Variants in GRM7 observed in about 807,000 individuals in gnomAD.
The protein encoded by GRM7 is metabotropic glutamate receptor 7.
In GRM7, 35 loss-of-function variants were observed where a neutral mutation model predicts 84.5. The observed-to-expected ratio is 0.41, with a 90% confidence interval of 0.32 to 0.55. The LOEUF (loss-of-function observed/expected upper bound fraction) is 0.55. GRM7 is among the 20% of genes least tolerant of loss of function. The pLI is 0.19. For missense variants in GRM7, 1,003 were observed against 1,194.6 expected (o/e 0.84, Z 2.36); for synonymous variants, 487 against 455.1 (o/e 1.07, Z -0.89).
chr3:7,217,637 A>C (rs1696658933), intron 2 of GRM7, among the ~76,000 whole-genome samples: 1 of 151,118 alleles, frequency 6.6e-6, no homozygotes, highest in Non-Finnish European at 1.5e-5. Flanking sequence ...GTAAAAATGC[A>C]TTATAAAATC....
At chr3:6,941,618 A>C (rs1224608706) in intron 1 of GRM7, among the ~76,000 whole-genome samples, 1 of 152,234 alleles carries the variant, frequency 6.6e-6, no homozygotes, top group Non-Finnish European at 1.5e-5. Context: ...ATTTAAATAC[A>C]GGTCAAAAAG....
At chr3:7,584,315 TCA>T (rs914234544) in intron 8 of GRM7, among the ~76,000 whole-genome samples, 10 of 152,306 alleles carry the variant, frequency 6.6e-5, no homozygotes, top group Admixed American at 6.5e-4. Context: ...ATATAGTGGG[TCA>T]AGTTAATTTG....
intron 8 of GRM7, among the ~76,000 whole-genome samples, chr3:7,677,250 A>G: frequency 7.5e-6 from 1 of 132,980 alleles, no homozygotes; most frequent in African/African-American, 3.0e-5. Flanking sequence ...CAATAGAGGG[A>G]GACTCTGTCT....
intron 1 of GRM7, among the ~76,000 whole-genome samples, chr3:7,073,154 T>C (rs1697946594): frequency 6.6e-6 from 1 of 152,178 alleles, no homozygotes; most frequent in African/African-American, 2.4e-5. Flanking sequence ...CTAATTTAAT[T>C]TTAAAGGCAA....
At chr3:7,528,433 T>G (rs1047261647) in intron 7 of GRM7, among the ~76,000 whole-genome samples, 2 of 152,058 alleles carry the variant, frequency 1.3e-5, no homozygotes, top group Non-Finnish European at 1.5e-5. Flanking sequence ...ATTCAACTAA[T>G]GGTCTATTGA....
intron 7 of GRM7, among the ~76,000 whole-genome samples, chr3:7,506,473 G>T (rs1433908295): frequency 2.0e-5 from 3 of 152,108 alleles, no homozygotes; most frequent in Non-Finnish European, 4.4e-5. Context: ...CCAAAGCCAT[G>T]TCCACATTAC....
intron 9 of GRM7, among the ~76,000 whole-genome samples, chr3:7,717,761 G>A (rs1215914454): frequency 6.6e-6 from 1 of 152,194 alleles, no homozygotes. Context: ...TCTTTCAGAG[G>A]CAGGGAGGAA....
intron 1 of GRM7, among the ~76,000 whole-genome samples, chr3:7,144,931 G>A (rs6782377): frequency 0.35 from 52,648 of 151,748 alleles, 9,664 homozygotes; most frequent in African/African-American, 0.47. Context: ...GAAGTGCATC[G>A]TGGACAGGCT....
chr3:7,697,221 T>G (rs1430204030), intron 9 of GRM7, among the ~76,000 whole-genome samples: 1 of 152,194 alleles, frequency 6.6e-6, no homozygotes, highest in Non-Finnish European at 1.5e-5. Flanking sequence ...TATACCTAAT[T>G]TTTAAAAATT....
At chr3:7,695,735 A>G (rs1461665900) in intron 9 of GRM7, among the ~76,000 whole-genome samples, 1 of 152,176 alleles carries the variant, frequency 6.6e-6, no homozygotes, top group Non-Finnish European at 1.5e-5. Context: ...AATCTTAGTA[A>G]CTACCGCATG....
intron 1 of GRM7, among the ~76,000 whole-genome samples, chr3:7,115,970 C>T (rs1379219713): frequency 6.6e-6 from 1 of 152,144 alleles, no homozygotes; most frequent in Non-Finnish European, 1.5e-5. Flanking sequence ...TGTCTCATTA[C>T]TGCCACTCTC....
chr3:7,241,510 G>A (rs754444975), intron 2 of GRM7, among the ~76,000 whole-genome samples: 4 of 151,998 alleles, frequency 2.6e-5, no homozygotes, highest in Non-Finnish European at 4.4e-5. Context: ...CTGAGGTCAC[G>A]CCAGGAAAAG....
At chr3:6,923,193 T>C (rs891923426) in intron 1 of GRM7, among the ~76,000 whole-genome samples, 1 of 152,050 alleles carries the variant, frequency 6.6e-6, no homozygotes, top group African/African-American at 2.4e-5. Flanking sequence ...TTTTGTATTT[T>C]TAGTAGAGAT....
chr3:7,694,055 A>G (rs1331194949), intron 9 of GRM7, among the ~76,000 whole-genome samples: 2 of 152,144 alleles, frequency 1.3e-5, no homozygotes, highest in African/African-American at 4.8e-5. Context: ...GAATGCAGGA[A>G]GAGTAGCATT....
In GRM7 at chr3:7,513,756, A is replaced by G. The variant is rs116207431; in HGVS notation, c.1515+52034A>G. ...CTCTGATATGCCCATAATAATAAAA[A>G]TTTTAAAAAATTAGAGAAGAACATC... On this transcript the variant is annotated intron_variant, in intron 7 of 9. Transcript: ENST00000357716. Among the ~76,000 whole-genome samples, 751 of 152,328 alleles carry G rather than the reference A, an allele frequency of 4.9e-3. 7 individuals carry two copies. Among genetic ancestry groups the G allele is most frequent in the African/African-American group, 0.017 (712 of 41,570 alleles).
At chr3:7,620,546 C>A (rs1469115792) in intron 8 of GRM7, among the ~76,000 whole-genome samples, 1 of 152,100 alleles carries the variant, frequency 6.6e-6, no homozygotes, top group African/African-American at 2.4e-5. Context: ...ATATTTGAAG[C>A]AGTCTTAATT....
At chr3:7,678,172 A>AAT (rs2125138502) in intron 8 of GRM7, among the ~76,000 whole-genome samples, 1 of 152,312 alleles carries the variant, frequency 6.6e-6, no homozygotes, top group African/African-American at 2.4e-5. Context: ...AGCATCATGC[A>AAT]ATATACCCAT....
intron 2 of GRM7, among the ~76,000 whole-genome samples, chr3:7,215,601 C>T (rs999650460): frequency 2.6e-5 from 4 of 151,922 alleles, no homozygotes; most frequent in African/African-American, 9.7e-5. Flanking sequence ...GGGGGCGGAG[C>T]TTGCAGTGAG....
intron 4 of GRM7, among the ~76,000 whole-genome samples, chr3:7,400,536 A>G (rs1305475608): frequency 3.3e-5 from 5 of 152,136 alleles, no homozygotes; most frequent in African/African-American, 1.2e-4. Context: ...TCACCTGGAA[A>G]CACAAGTGAT....
Sources: allele counts gnomAD v4.1 joint callset (sites outside exome capture counted in the v4.1 genomes callset), GRCh38; gene constraint gnomAD v4.1.1; transcripts MANE v1.5; gene names NCBI Gene and HGNC (gene_info 2026-07-23, HGNC 2026-07-21).